ARID1B: variants seen among roughly 807,000 people sequenced by gnomAD.
ARID1B encodes AT-rich interactive domain-containing protein 1B.
ARID1B carries 30 observed loss-of-function variants against 212.3 expected under a neutral mutation model. The observed-to-expected ratio is 0.14, with a 90% CI of 0.11 to 0.19. The LOEUF (loss-of-function observed/expected upper bound fraction) is 0.19, where lower values mean the gene tolerates loss of function less well. Ranked by LOEUF, ARID1B falls within the 10% of genes least tolerant of loss-of-function variation. ARID1B has a pLI of 1.00. For synonymous variants in ARID1B, 1,402 were observed against 1,301.7 expected, an observed-to-expected ratio of 1.08 and a Z score of -1.66; for missense variants, 2,891 against 3,204.0, an observed-to-expected ratio of 0.90 and a Z score of 2.36.
At position 156,992,624 on chromosome 6, in the gene ARID1B, G is replaced by A. The variant is rs189074292; in HGVS notation, c.2247+57048G>A. Among the ~76,000 whole-genome samples the A allele has an allele frequency of 2.6e-4, 40 of 152,314 alleles. No homozygotes were observed. The East Asian group carries it at 7.3e-3, about 28-fold the overall frequency. On this transcript the variant is annotated intron_variant, in intron 4 of 19. Transcript: ENST00000636930. ...TTTTGGAGCGGGAGGTATTCAGAAC[G>A]GCCTCCCATCTGTGGGGCCTGGGCA...
intron 4 of ARID1B, among the ~76,000 whole-genome samples, chr6:157,037,346 A>G (rs1781398078): frequency 6.6e-6 from 1 of 152,222 alleles, no homozygotes; most frequent in Non-Finnish European, 1.5e-5. Flanking sequence ...TGACCAGCTG[A>G]CAGATCTAAG....
chr6:157,081,125 T>C (rs1182159755), intron 4 of ARID1B, among the ~76,000 whole-genome samples: 1 of 152,240 alleles, frequency 6.6e-6, no homozygotes, highest in Non-Finnish European at 1.5e-5. Flanking sequence ...AGGACTCTCC[T>C]AGCCCCTTAA....
chr6:157,018,274 T>TGGTACAACCTCGGCTC (rs1468109604), intron 4 of ARID1B, among the ~76,000 whole-genome samples: 1 of 132,528 alleles, frequency 7.5e-6, no homozygotes, highest in African/African-American at 2.9e-5. Context: ...TGGAGTGCAG[T>TGGTACAACCTCGGCTC]GGTACAACCT....
chr6:156,900,170 G>A (rs565224451), intron 2 of ARID1B, among the ~76,000 whole-genome samples: 75 of 152,328 alleles, frequency 4.9e-4, no homozygotes, highest in Non-Finnish European at 8.7e-4. Context: ...GGCTCTGTGT[G>A]ATGAGAGGCA....
intron 2 of ARID1B, among the ~76,000 whole-genome samples, chr6:156,895,151 G>C (rs1189421816): frequency 6.6e-6 from 1 of 152,192 alleles, no homozygotes; most frequent in African/African-American, 2.4e-5. Context: ...TCTTTTTATA[G>C]TATATTTGTT....
intron 4 of ARID1B, chr6:157,022,990 A>G (rs560634972): frequency 6.6e-6 from 1 of 152,204 alleles, no homozygotes; most frequent in Non-Finnish European, 1.5e-5. Flanking sequence ...GCACGTGTGA[A>G]TATGCATAGA....
At chr6:156,876,124 G>A (rs959886277) in intron 2 of ARID1B, among the ~76,000 whole-genome samples, 5 of 152,172 alleles carry the variant, frequency 3.3e-5, no homozygotes, top group South Asian at 2.1e-4. Context: ...TGACTTTCCC[G>A]TGGTACCTAC....
chr6:157,068,383 T>G lies in ARID1B; in HGVS notation c.2248-16279T>G, dbSNP rs375336095. On this transcript the variant is annotated intron_variant, in intron 4 of 19. Transcript: ENST00000636930. Reference sequence around the variant, plus strand: ...TGTCTTCAGCTGAATCTGATGATGGTCTCTTGTTTTATGGACCTGTGCACA... The same window carrying G: ...TGTCTTCAGCTGAATCTGATGATGGGCTCTTGTTTTATGGACCTGTGCACA... Among the ~76,000 whole-genome samples the G allele has an allele frequency of 3.9e-5, 6 of 152,304 alleles. No homozygotes were observed. The East Asian group carries it at 9.6e-4, about 24-fold the overall frequency.
At chr6:156,882,628 A>G (rs1787191288) in intron 2 of ARID1B, among the ~76,000 whole-genome samples, 1 of 152,168 alleles carries the variant, frequency 6.6e-6, no homozygotes, top group Non-Finnish European at 1.5e-5. Flanking sequence ...TTCCCATCAC[A>G]CACTGGCCAC....
intron 6 of ARID1B, among the ~76,000 whole-genome samples, chr6:157,118,110 G>A (rs1388577646): frequency 6.6e-6 from 1 of 152,158 alleles, no homozygotes; most frequent in Non-Finnish European, 1.5e-5. Flanking sequence ...TTTTTTAAAT[G>A]TGAAAATTAC....
At chr6:157,205,816 G>A (rs897244836) in intron 19 of ARID1B, 1 of 238,136 alleles carries the variant, frequency 4.2e-6, no homozygotes, top group African/African-American at 2.3e-5. Flanking sequence ...CTAATAATGA[G>A]TACATTGTCT....
In ARID1B at chr6:157,140,128, A is replaced by G. The variant is rs555370431; in HGVS notation, c.2761+6921A>G. On this transcript the variant is annotated intron_variant, in intron 7 of 19. Transcript: ENST00000636930. ...AAAGTAAAACTAGGGATATAGTGCA[A>G]TATGATGATGTAAAGATAGTTTCTC... 2.6e-4 allele frequency among the ~76,000 whole-genome samples: 40 copies of G among 152,292 alleles called. No homozygotes were observed. The South Asian group carries it at 8.1e-3, about 31-fold the overall frequency.
chr6:156,926,217 C>T (rs1247501622), intron 3 of ARID1B, among the ~76,000 whole-genome samples: 3 of 152,060 alleles, frequency 2.0e-5, no homozygotes, highest in Admixed American at 6.6e-5. Context: ...ACTGAGTCAA[C>T]AAGAAGAGCA....
intron 2 of ARID1B, among the ~76,000 whole-genome samples, chr6:156,833,485 A>T (rs773204360): frequency 6.6e-6 from 1 of 152,162 alleles, no homozygotes; most frequent in African/African-American, 2.4e-5. Context: ...TATTTTAACT[A>T]TTCTTGCAGG....
At chr6:157,100,470 C>T (rs1785983024) in intron 5 of ARID1B, among the ~76,000 whole-genome samples, 1 of 152,200 alleles carries the variant, frequency 6.6e-6, no homozygotes, top group Non-Finnish European at 1.5e-5. Context: ...CCTGCTTCTT[C>T]ATTCTGAGAA....
chr6:156,812,970 G>A lies in ARID1B; in HGVS notation c.1792-16257G>A, dbSNP rs1404212819. The stretch of plus-strand genomic sequence containing the variant: ...TGTGTGTGTGTGTGTGTGTGTGTGT[G>A]TGTGTGTATGTATATACATACGTAT... On this transcript the variant is annotated intron_variant, in intron 1 of 19. Transcript: ENST00000636930. Among the ~76,000 whole-genome samples the A allele has an allele frequency of 3.8e-3, 357 of 93,200 alleles. 5 individuals are homozygous for A. Among genetic ancestry groups the A allele is most frequent in the Admixed American group, 6.4e-3 (49 of 7,682 alleles). 61.1% of individuals were successfully genotyped at this position (93,200 alleles called of 152,430 possible).
chr6:157,023,383 C>CT (rs1404845659), intron 4 of ARID1B: 2 of 152,272 alleles, frequency 1.3e-5, no homozygotes, highest in South Asian at 4.1e-4. Flanking sequence ...TTTTAACTCC[C>CT]TAGCTTTGTG....
At chr6:157,129,401 C>G (rs1788376637) in intron 6 of ARID1B, among the ~76,000 whole-genome samples, 1 of 152,170 alleles carries the variant, frequency 6.6e-6, no homozygotes, top group African/African-American at 2.4e-5. Flanking sequence ...AGAAAGGAGT[C>G]AGGGAAATGT....
intron 2 of ARID1B, among the ~76,000 whole-genome samples, chr6:156,857,816 G>C (rs1476387681): frequency 6.6e-6 from 1 of 152,218 alleles, no homozygotes; most frequent in East Asian, 1.9e-4. Context: ...GGTATAGCCT[G>C]CTGCACACCT....
Sources: gnomAD v4.1 joint callset for allele counts (sites outside exome capture counted in the v4.1 genomes callset) on GRCh38, gnomAD v4.1.1 for gene constraint, MANE v1.5 for transcripts, NCBI Gene and HGNC (gene_info 2026-07-23, HGNC 2026-07-21) for gene names.